The following HIBCH variants were observed in gnomAD, a reference collection of about 807,000 sequenced individuals.
The protein encoded by HIBCH is 3-hydroxyisobutyryl-CoA hydrolase, also known as 3-hydroxyisobutyryl-CoA hydrolase, mitochondrial.
Under a neutral mutation model 58.2 loss-of-function variants are expected in HIBCH, and 50 were observed. The ratio of observed to expected loss-of-function variants is 0.86; its 90% CI spans 0.68 to 1.09. The LOEUF (loss-of-function observed/expected upper bound fraction) is 1.09. Ranked by LOEUF, HIBCH falls within the 50% of genes least tolerant of loss-of-function variation. The pLI, the probability that HIBCH is intolerant of heterozygous loss-of-function variation, is 0.00. For synonymous variants in HIBCH, 151 were observed against 146.9 expected, an observed-to-expected ratio of 1.03 and a Z score of -0.20; for missense variants, 450 against 449.7, an observed-to-expected ratio of 1.00 and a Z score of -0.01.
intron 4 of HIBCH, among the ~76,000 whole-genome samples, chr2:190,294,282 G>C (rs760190496): frequency 6.6e-6 from 1 of 151,786 alleles, no homozygotes; most frequent in Non-Finnish European, 1.5e-5. Context: ...CATTTTGTTT[G>C]TGATGATTCA....
At position 190,258,335 on chromosome 2, in the gene HIBCH, T is replaced by G. The variant is rs561391501; in HGVS notation, c.517+2821A>C. Reference sequence around the variant, plus strand: ...CCTCTTTTCTTCATAAATTACCCAGTCTCAGGTAGTTCTTTATAGCAATGT... The same window carrying G: ...CCTCTTTTCTTCATAAATTACCCAGGCTCAGGTAGTTCTTTATAGCAATGT... On this transcript the variant is annotated intron_variant, in intron 7 of 13. Transcript: ENST00000359678. Among the ~76,000 whole-genome samples, 3 of 152,262 alleles carry G rather than the reference T, an allele frequency of 2.0e-5. No homozygotes were observed. The East Asian group carries it at 5.8e-4, about 29-fold the overall frequency.
intron 11 of HIBCH, among the ~76,000 whole-genome samples, chr2:190,222,832 T>G (rs11900898): frequency 0.049 from 7,437 of 152,284 alleles, 320 homozygotes; most frequent in East Asian, 0.14. Context: ...GTATGTTTAT[T>G]GCAGCACTAT....
rs142514632 is a variant in HIBCH, at chr2:190,223,780, A to T, written c.892-10705T>A. Among the ~76,000 whole-genome samples the T allele has an allele frequency of 2.2e-4, 33 of 152,356 alleles. No individual in the cohort carries two copies. In the East Asian group the frequency reaches 6.4e-3, roughly 29 times the overall value. ...CTCATGTAATATACCTTCAATTGTT[A>T]AAAAGAGAACACAGAAGATGGCCGA... On this transcript the variant is annotated intron_variant, in intron 11 of 13. Transcript: ENST00000359678.
At chr2:190,203,007 A>G (rs944205392), downstream of HIBCH, 1 of 166,190 alleles carries the variant, frequency 6.0e-6, no homozygotes, top group Non-Finnish European at 1.5e-5. Context: ...AAGGGGAAAA[A>G]AATGATAATC....
intron 11 of HIBCH, among the ~76,000 whole-genome samples, chr2:190,229,187 T>C (rs973757408): frequency 6.6e-6 from 1 of 152,198 alleles, no homozygotes; most frequent in African/African-American, 2.4e-5. Context: ...TACAGAACTC[T>C]AACTGTTTGG....
intron 6 of HIBCH, among the ~76,000 whole-genome samples, chr2:190,272,731 A>C: frequency 6.6e-6 from 1 of 152,134 alleles, no homozygotes; most frequent in Non-Finnish European, 1.5e-5. Flanking sequence ...TGCAAGTCAA[A>C]AATTTCCCAG....
chr2:190,194,640 T>C, intron 1 of HIBCH, among the ~76,000 whole-genome samples: 1 of 152,270 alleles, frequency 6.6e-6, no homozygotes, highest in Non-Finnish European at 1.5e-5. Flanking sequence ...ATTATTAGTA[T>C]CATATAGAAT....
At position 190,204,403 on chromosome 2, in the gene HIBCH, C is replaced by G. The variant is rs1310115361; in HGVS notation, c.*714G>C. The G allele has an allele frequency of 6.6e-6, 1 of 152,096 alleles. No homozygotes were observed. Among genetic ancestry groups the G allele is most frequent in the Non-Finnish European group, 1.5e-5 (1 of 67,972 alleles). The allele number at this position is 152,096 out of a possible 1,614,324, so 9.4% of individuals were successfully genotyped here. The stretch of plus-strand genomic sequence containing the variant: ...AACAAGAAAATAATCCTTTCAGTTT[C>G]ACCATGGGATGGTATTCTGATTATT... On this transcript the variant is annotated 3_prime_UTR_variant, in exon 14 of 14. Transcript: ENST00000359678.
chr2:190,235,895 A>C (rs1686258649), intron 11 of HIBCH, among the ~76,000 whole-genome samples: 1 of 152,180 alleles, frequency 6.6e-6, no homozygotes, highest in African/African-American at 2.4e-5. Flanking sequence ...CTAGATTGCA[A>C]ACTCCCTGAG....
intron 11 of HIBCH, among the ~76,000 whole-genome samples, chr2:190,219,148 C>CA (rs34447671): frequency 0.32 from 48,382 of 151,970 alleles, 8,957 homozygotes; most frequent in African/African-American, 0.49. Flanking sequence ...TCCACATGGC[C>CA]CTGAAGTTGG....
At chr2:190,317,283 A>G (rs1247154627) in intron 1 of HIBCH, among the ~76,000 whole-genome samples, 2 of 152,164 alleles carry the variant, frequency 1.3e-5, no homozygotes. Context: ...GTCCCTTAAG[A>G]CACTTACCAG....
At chr2:190,265,022 C>T (rs74661763) in intron 6 of HIBCH, among the ~76,000 whole-genome samples, 29,772 of 148,104 alleles carry the variant, frequency 0.2, 3,200 homozygotes, top group East Asian at 0.32. Context: ...ACTCGGGAGG[C>T]TGAGGCAGGA....
chr2:190,202,702 G>A (rs943005015), downstream of HIBCH: 2 of 166,998 alleles, frequency 1.2e-5, no homozygotes, highest in African/African-American at 2.4e-5. Flanking sequence ...TCCTGGAAAG[G>A]GAAACATTTG....
intron 7 of HIBCH, among the ~76,000 whole-genome samples, chr2:190,258,061 C>T (rs1187501934): frequency 6.6e-6 from 1 of 152,132 alleles, no homozygotes; most frequent in Non-Finnish European, 1.5e-5. Context: ...TCCCCAGTGT[C>T]GAATGAGGGG....
At chr2:190,261,270 A>G in intron 6 of HIBCH, 36 bp from the exon 7 acceptor site, 2 of 1,418,172 alleles carry the variant, frequency 1.4e-6, no homozygotes, top group Non-Finnish European at 2.0e-6. Context: ...GCGGGGGGGA[A>G]TTAAACATAT....
chr2:190,313,672 C>T (rs1373195564), intron 1 of HIBCH, among the ~76,000 whole-genome samples: 1 of 134,226 alleles, frequency 7.5e-6, no homozygotes, highest in Admixed American at 7.2e-5. Context: ...AAAGGAATCA[C>T]CTGGAGACTG....
intron 4 of HIBCH, among the ~76,000 whole-genome samples, chr2:190,293,396 C>T (rs1263547669): frequency 6.6e-6 from 1 of 151,564 alleles, no homozygotes; most frequent in Non-Finnish European, 1.5e-5. Context: ...GAGGTTGCAG[C>T]GAGCAGAGAT....
intron 7 of HIBCH, among the ~76,000 whole-genome samples, chr2:190,252,745 A>T (rs549986054): frequency 6.6e-6 from 1 of 152,336 alleles, no homozygotes; most frequent in Non-Finnish European, 1.5e-5. Flanking sequence ...TCCCAACCTT[A>T]GTCAATTATC....
intron 11 of HIBCH, among the ~76,000 whole-genome samples, chr2:190,230,983 G>A (rs1212866846): frequency 3.9e-5 from 6 of 151,966 alleles, no homozygotes; most frequent in Admixed American, 6.6e-5. Context: ...CACGTATCAC[G>A]AAAAAATAAG....
Sources: gnomAD v4.1 joint callset for allele counts (sites outside exome capture counted in the v4.1 genomes callset) on GRCh38, gnomAD v4.1.1 for gene constraint, MANE v1.5 for transcripts, NCBI Gene and HGNC (gene_info 2026-07-23, HGNC 2026-07-21) for gene names.